YY1: variants seen among roughly 807,000 people sequenced by gnomAD.
The protein encoded by YY1 is transcriptional repressor protein YY1.
Under a neutral mutation model 35.6 loss-of-function variants are expected in YY1, and 2 were observed. The ratio of observed to expected loss-of-function variants is 0.06; its 90% CI spans 0.02 to 0.18. The LOEUF (loss-of-function observed/expected upper bound fraction) is 0.18. YY1 is among the 10% of genes least tolerant of loss of function. The pLI, the probability that YY1 is intolerant of heterozygous loss-of-function variation, is 1.00. For missense variants in YY1, 322 were observed against 573.4 expected (o/e 0.56, Z 4.48); for synonymous variants, 268 against 238.9 (o/e 1.12, Z -1.12).
chr14:100,241,992 A>AT lies in YY1; in HGVS notation c.679+2078dup, dbSNP rs1182347078. Among the ~76,000 whole-genome samples, 140 of 96,014 alleles carry AT rather than the reference A, an allele frequency of 1.5e-3. 6 individuals carry two copies. The South Asian group carries it at 0.031, about 21-fold the overall frequency. The allele number at this position is 96,014 out of a possible 152,430, so 63.0% of individuals were successfully genotyped here. ...TCTGTCTCAAAAGGGGGGGGGGGGC[A>AT]TTTTTTTTTGTTAATACCAATGAGT... On this transcript the variant is annotated intron_variant, in intron 1 of 4. Coordinates refer to ENST00000262238, the MANE Select transcript of YY1 (RefSeq NM_003403.5).
rs1891441381 is a variant in YY1 at position 100,281,995 on chromosome 14, G to A, written c.*4395G>A. 1 of 152,254 alleles carries A rather than the reference G, an allele frequency of 6.6e-6. No individual in the cohort carries two copies. The allele number at this position is 152,254 out of a possible 1,614,324, so 9.4% of individuals were successfully genotyped here. A position where few individuals can be genotyped will look rare whatever the true frequency, so the allele number is the denominator to read the frequency against. ...TGGGAAGTATGGGCAGCATGTACTT[G>A]ACACGTTATCACCCAGTCCCCTTGT... is the stretch of plus-strand genomic sequence containing the variant. On this transcript the variant is annotated 3_prime_UTR_variant, in exon 5 of 5. Coordinates refer to ENST00000262238, the MANE Select transcript of YY1 (RefSeq NM_003403.5).
intron 1 of YY1, among the ~76,000 whole-genome samples, chr14:100,253,054 AAG>A (rs1255141302): frequency 6.6e-6 from 1 of 152,182 alleles, no homozygotes; most frequent in African/African-American, 2.4e-5. Context: ...AAGGAAAAGA[AAG>A]AAAGAAACCC....
Position 100,278,905 on chromosome 14 carries a change from T to G in YY1, c.*1305T>G, listed in dbSNP as rs1427709353. ...GAGGCAGCTCCAGCAGGACCTTGGC[T>G]TGTCTGACAGGAAATGCTTGTGGTC... On this transcript the variant is annotated 3_prime_UTR_variant, in exon 5 of 5. Coordinates refer to ENST00000262238, the MANE Select transcript of YY1 (RefSeq NM_003403.5). 6.6e-6 allele frequency: 1 copy of G among 152,240 alleles called. No individual in the cohort carries two copies. Among genetic ancestry groups the G allele is most frequent in the East Asian group, 1.9e-4 (1 of 5,194 alleles). 9.4% of individuals were successfully genotyped at this position (152,240 alleles called of 1,614,324 possible).
intron 1 of YY1, among the ~76,000 whole-genome samples, chr14:100,251,205 C>G (rs984682981): frequency 2.6e-5 from 4 of 152,088 alleles, no homozygotes; most frequent in African/African-American, 9.7e-5. Context: ...AGGTGGGTAC[C>G]AAATGTAATC....
chr14:100,269,523 TGAG>T (rs1185460356), intron 2 of YY1, among the ~76,000 whole-genome samples: 2 of 152,172 alleles, frequency 1.3e-5, no homozygotes, highest in African/African-American at 2.4e-5. Context: ...TCTGAATAGT[TGAG>T]GAGGGTGAGA....
At chr14:100,254,601 G>C (rs1566773511) in intron 1 of YY1, among the ~76,000 whole-genome samples, 1 of 151,776 alleles carries the variant, frequency 6.6e-6, no homozygotes, top group Non-Finnish European at 1.5e-5. Context: ...GGGATTAAAG[G>C]CACACGCCAC....
In YY1 at chr14:100,272,252, C is replaced by G. The variant is rs189435105; in HGVS notation, c.843-2446C>G. 1.2e-3 allele frequency among the ~76,000 whole-genome samples: 176 copies of G among 149,802 alleles called. 1 individual carries two copies. The highest frequency in any genetic ancestry group is 4.0e-3 in the African/African-American group (161 of 40,654). On this transcript the variant is annotated intron_variant, in intron 2 of 4. Transcript: ENST00000262238. Reference sequence around the variant, plus strand: ...CGGAGCTTGCAGTGAGCCGAGATAGCGCCACTGCACTCCAGCCTGGGTGAC... The same window carrying G: ...CGGAGCTTGCAGTGAGCCGAGATAGGGCCACTGCACTCCAGCCTGGGTGAC...
At chr14:100,275,779 C>T (rs752359336) in intron 3 of YY1, 1 of 153,248 alleles carries the variant, frequency 6.5e-6, no homozygotes, top group Non-Finnish European at 1.5e-5. Context: ...GCTGTCTTAT[C>T]ATTTCCCCAT....
intron 1 of YY1, among the ~76,000 whole-genome samples, chr14:100,254,850 G>A (rs1284119547): frequency 6.8e-6 from 1 of 146,654 alleles, no homozygotes; most frequent in African/African-American, 2.5e-5. Flanking sequence ...TTGGCTCACT[G>A]CAACCTCCGC....
chr14:100,240,253 C>G (rs1595310194), intron 1 of YY1, among the ~76,000 whole-genome samples: 1 of 108,194 alleles, frequency 9.2e-6, no homozygotes, highest in Non-Finnish European at 2.4e-5. Flanking sequence ...TCCCCGCGCC[C>G]GCATCAACGG....
chr14:100,274,650 T>C, intron 2 of YY1, 48 bp from the exon 3 acceptor site: 1 of 1,537,292 alleles, frequency 6.5e-7, no homozygotes. Flanking sequence ...GCCAGTTGAG[T>C]CTACCCACTC....
At chr14:100,263,203 C>G (rs887731397) in intron 2 of YY1, among the ~76,000 whole-genome samples, 2 of 152,194 alleles carry the variant, frequency 1.3e-5, no homozygotes, top group African/African-American at 4.8e-5. Context: ...AGCCACTGTG[C>G]CCAGCCTGTA....
At chr14:100,253,311 A>G (rs1414818617) in intron 1 of YY1, among the ~76,000 whole-genome samples, 3 of 152,198 alleles carry the variant, frequency 2.0e-5, no homozygotes, top group Non-Finnish European at 2.9e-5. Context: ...TTGACATTCA[A>G]AGTGGATCAG....
At chr14:100,269,480 G>A (rs531588249) in intron 2 of YY1, among the ~76,000 whole-genome samples, 4 of 152,220 alleles carry the variant, frequency 2.6e-5, no homozygotes, top group South Asian at 2.1e-4. Flanking sequence ...AAAAGTGTCC[G>A]TTGGTGAATG....
At chr14:100,259,383 G>GT (rs1404919751) in intron 1 of YY1, among the ~76,000 whole-genome samples, 2 of 152,162 alleles carry the variant, frequency 1.3e-5, no homozygotes, top group African/African-American at 4.8e-5. Flanking sequence ...AGCTGGGCAT[G>GT]GTGGTGTGTG....
intron 1 of YY1, among the ~76,000 whole-genome samples, chr14:100,258,613 A>G (rs910407199): frequency 6.6e-6 from 1 of 152,124 alleles, no homozygotes; most frequent in Non-Finnish European, 1.5e-5. Context: ...TCGGCTTCCC[A>G]AAGTGCTGGG....
chr14:100,276,319 T>A lies in YY1; in HGVS notation c.904-171T>A. 2.3e-6 allele frequency: 2 copies of A among 866,634 alleles called. No homozygotes were observed. The highest frequency in any genetic ancestry group is 3.5e-6 in the Non-Finnish European group (2 of 569,856). 53.7% of individuals were successfully genotyped at this position (866,634 alleles called of 1,614,324 possible). ...CATTGAATGATGACTTTTTCAGCTGTCTGCTTTTTGTCTTAAATGATATTA... is the reference window on the plus strand; with the variant it reads ...CATTGAATGATGACTTTTTCAGCTGACTGCTTTTTGTCTTAAATGATATTA... On this transcript the variant is annotated intron_variant, in intron 3 of 4. Coordinates refer to ENST00000262238, the MANE Select transcript of YY1 (RefSeq NM_003403.5). The surrounding 1 kb of genome is among the most constrained non-coding windows in gnomAD (Gnocchi z 4.1).
intron 1 of YY1, among the ~76,000 whole-genome samples, chr14:100,252,671 T>G (rs1240338290): frequency 6.6e-6 from 1 of 152,242 alleles, no homozygotes; most frequent in East Asian, 1.9e-4. Flanking sequence ...ATTCTGAGAT[T>G]TGGCTTTAAT....
rs1481339362 is a variant in YY1 at position 100,276,942 on chromosome 14, A to G, written c.1062+294A>G. 2 of 476,072 alleles carry G rather than the reference A, an allele frequency of 4.2e-6. No individual in the cohort carries two copies. Among genetic ancestry groups the G allele is most frequent in the East Asian group, 4.0e-5 (1 of 24,834 alleles). The allele number at this position is 476,072 out of a possible 1,614,324, so 29.5% of individuals were successfully genotyped here. ...ATACCTAAAACTCAATTTCTACTTC[A>G]TTCATTACAGGATTGAAGTAATTTA... On this transcript the variant is annotated intron_variant, in intron 4 of 4. Coordinates refer to ENST00000262238, the MANE Select transcript of YY1 (RefSeq NM_003403.5). This position sits in a 1 kb window ranked among gnomAD's most constrained non-coding sequence, Gnocchi z 4.1.
Sources: gnomAD v4.1 joint callset for allele counts (sites outside exome capture counted in the v4.1 genomes callset) on GRCh38, gnomAD v4.1.1 for gene constraint, Gnocchi (gnomAD v3.1) non-coding constraint, MANE v1.5 for transcripts, NCBI Gene and HGNC (gene_info 2026-07-23, HGNC 2026-07-21) for gene names.